Variants in SLC13A1 observed in about 807,000 individuals in gnomAD.
SLC13A1 encodes the protein solute carrier family 13 member 1, also known as Na(+)/sulfate cotransporter.
Under a neutral mutation model 70.0 loss-of-function variants are expected in SLC13A1, and 65 were observed. The observed-to-expected ratio is 0.93, with a 90% CI of 0.76 to 1.14. The LOEUF (loss-of-function observed/expected upper bound fraction) is 1.14, where lower values mean the gene tolerates loss of function less well. Ranked by LOEUF, SLC13A1 falls within the 50% of genes most tolerant of loss-of-function variation. SLC13A1 has a pLI of 0.00. For missense variants in SLC13A1, 726 were observed against 717.8 expected (o/e 1.01, Z -0.13); for synonymous variants, 275 against 250.5 (o/e 1.10, Z -0.92).
At chr7:123,159,200 A>G (rs1794807110) in intron 6 of SLC13A1, among the ~76,000 whole-genome samples, 2 of 152,186 alleles carry the variant, frequency 1.3e-5, no homozygotes, top group African/African-American at 2.4e-5. Context: ...AAATGTTTAT[A>G]TATTAAGTAG....
intron 1 of SLC13A1, among the ~76,000 whole-genome samples, chr7:123,188,447 T>C (rs1795888087): frequency 6.6e-6 from 1 of 152,198 alleles, no homozygotes; most frequent in Non-Finnish European, 1.5e-5. Flanking sequence ...CCTTGGTATA[T>C]GGGATTAATT....
intron 7 of SLC13A1, among the ~76,000 whole-genome samples, chr7:123,137,755 T>C (rs1794000959): frequency 6.6e-6 from 1 of 152,098 alleles, no homozygotes; most frequent in Non-Finnish European, 1.5e-5. Context: ...TGGAGTCTTT[T>C]TAAAAAAAAT....
chr7:123,123,232 G>A lies in SLC13A1; in HGVS notation c.1244C>T (p.Ala415Val), dbSNP rs144402909. 79 of 1,605,846 alleles carry A rather than the reference G, an allele frequency of 4.9e-5. No individual in the cohort carries two copies. The African/African-American group carries it at 8.3e-4, about 17-fold the overall frequency. Reference sequence around the variant, plus strand: ...AGTAATCAGTGGAGAGTAATCAAAAGCAACTGCAAAACAAAAATCCTACAG... The same window carrying A: ...AGTAATCAGTGGAGAGTAATCAAAAACAACTGCAAAACAAAAATCCTACAG... ...TKTTPTGEIVAFDYSPLITWK... is the reference protein window; with the variant it reads ...TKTTPTGEIVVFDYSPLITWK... The change falls in exon 12 of 15, where the codon GCT (alanine) becomes GTT (valine). Residue 415 changes from alanine to valine, a missense_variant. Physicochemically the swap from Ala to Val is moderately conservative, Grantham distance 64. Coordinates refer to ENST00000194130, the MANE Select transcript of SLC13A1 (RefSeq NM_022444.4).
At chr7:123,148,640 G>C (rs1176375768) in intron 6 of SLC13A1, 1 of 326,732 alleles carries the variant, frequency 3.1e-6, no homozygotes, top group African/African-American at 2.2e-5. Flanking sequence ...TGGTTTTTCA[G>C]TTATGTTTAG....
chr7:123,144,765 G>A (rs1794293708), intron 7 of SLC13A1, among the ~76,000 whole-genome samples: 1 of 152,134 alleles, frequency 6.6e-6, no homozygotes, highest in African/African-American at 2.4e-5. Flanking sequence ...CTTAGGAAGA[G>A]TCATTGTCAC....
intron 1 of SLC13A1, among the ~76,000 whole-genome samples, chr7:123,189,743 A>C (rs1478135623): frequency 6.6e-6 from 1 of 152,026 alleles, no homozygotes; most frequent in Non-Finnish European, 1.5e-5. Context: ...AGATGTTTTC[A>C]TTATTATTGA....
chr7:123,124,183 G>A (rs1452343784), intron 11 of SLC13A1, among the ~76,000 whole-genome samples: 1 of 152,134 alleles, frequency 6.6e-6, no homozygotes, highest in African/African-American at 2.4e-5. Context: ...TGAGGGGAGA[G>A]AGAAAGGTGG....
chr7:123,157,042 TG>T (rs1475786028), intron 6 of SLC13A1, among the ~76,000 whole-genome samples: 5 of 152,100 alleles, frequency 3.3e-5, no homozygotes, highest in Non-Finnish European at 7.4e-5. Flanking sequence ...TGACCTCAGA[TG>T]GGCCTCAGTA....
Position 123,168,519 on chromosome 7 carries a change from G to C in SLC13A1, c.596C>G (p.Thr199Arg). ...GHEINERKEK[T>R]KPVPGYNNDT... is the part of the protein sequence containing the mutation. ...TATTCCTTACCCTGGAACTGGTTTT[G>C]TTTTCTCTTTCCTCTCATTTATTTC... is the stretch of plus-strand genomic sequence containing the variant. The change falls in exon 5 of 15, where the codon ACA (threonine) becomes AGA (arginine). Residue 199 changes from threonine to arginine, a missense_variant. Thr to Arg is a moderately conservative substitution (Grantham distance 71). Coordinates refer to ENST00000194130, the MANE Select transcript of SLC13A1 (RefSeq NM_022444.4). The C allele has an allele frequency of 3.1e-6, 5 of 1,610,652 alleles. No homozygotes were observed. The highest frequency in any genetic ancestry group is 3.4e-6 in the Non-Finnish European group (4 of 1,177,868).
At chr7:123,190,843 C>G (rs1400994347) in intron 1 of SLC13A1, among the ~76,000 whole-genome samples, 1 of 152,070 alleles carries the variant, frequency 6.6e-6, no homozygotes, top group African/African-American at 2.4e-5. Flanking sequence ...TTTTTAATCT[C>G]AGTGACAAAA....
intron 6 of SLC13A1, among the ~76,000 whole-genome samples, chr7:123,155,942 T>C (rs528819913): frequency 6.6e-6 from 1 of 152,242 alleles, no homozygotes; most frequent in South Asian, 2.1e-4. Context: ...CTGGTTCTCC[T>C]TATCCCGTTT....
chr7:123,134,365 C>A (rs1296612291), intron 8 of SLC13A1, 45 bp downstream of exon 8: 1 of 1,585,144 alleles, frequency 6.3e-7, no homozygotes, highest in Non-Finnish European at 8.6e-7. Flanking sequence ...GAACTGGGAA[C>A]CTAGACACCT....
chr7:123,142,467 C>T, intron 7 of SLC13A1, among the ~76,000 whole-genome samples: 1 of 152,016 alleles, frequency 6.6e-6, no homozygotes, highest in Non-Finnish European at 1.5e-5. Context: ...AAGTGCAAGC[C>T]AAAGTCCTCT....
chr7:123,164,492 T>C (rs1438115672), intron 6 of SLC13A1, among the ~76,000 whole-genome samples: 3 of 151,948 alleles, frequency 2.0e-5, no homozygotes, highest in African/African-American at 4.8e-5. Flanking sequence ...ATGAATCAAA[T>C]TGTAATAATT....
chr7:123,186,592 A>C, intron 1 of SLC13A1: 1 of 336,070 alleles, frequency 3.0e-6, no homozygotes, highest in Non-Finnish European at 6.1e-6. Flanking sequence ...ACACACAATC[A>C]CTACTACTAC....
chr7:123,183,769 T>C lies in SLC13A1; in HGVS notation c.100-2668A>G, dbSNP rs553799872. Reference sequence around the variant, plus strand: ...TGAGAAGCACTGGGCTACATCCTTTTCCAGACCTTCCCTTTCATCTTTAAA... The same window carrying C: ...TGAGAAGCACTGGGCTACATCCTTTCCCAGACCTTCCCTTTCATCTTTAAA... On this transcript the variant is annotated intron_variant, in intron 1 of 14. Coordinates refer to ENST00000194130, the MANE Select transcript of SLC13A1 (RefSeq NM_022444.4). 8.9e-4 allele frequency among the ~76,000 whole-genome samples: 136 copies of C among 152,274 alleles called. 1 individual carries two copies. The highest frequency in any genetic ancestry group is 1.6e-4 in the Non-Finnish European group (11 of 68,022).
intron 7 of SLC13A1, among the ~76,000 whole-genome samples, chr7:123,137,372 G>C (rs73217762): frequency 6.6e-6 from 1 of 152,158 alleles, no homozygotes; most frequent in Non-Finnish European, 1.5e-5. Context: ...ATTTTACTTA[G>C]GTAATCAAAG....
chr7:123,171,957 T>C lies in SLC13A1; in HGVS notation c.229-53A>G, dbSNP rs1371831640. The C allele has an allele frequency of 7.1e-6, 11 of 1,550,884 alleles. No individual in the cohort carries two copies. The East Asian group carries it at 1.8e-4, about 26-fold the overall frequency. ...TTTACTTTGGTGGGGAAAAATAACA[T>C]TGCACAAGAAAGACATTATTATGCT... On this transcript the variant is annotated intron_variant, in intron 2 of 14. Transcript: ENST00000194130.
rs549685528 is a variant in SLC13A1, at chr7:123,184,906, T to C, written c.100-3805A>G. Among the ~76,000 whole-genome samples, 19 of 152,138 alleles carry C rather than the reference T, an allele frequency of 1.2e-4. No homozygotes were observed. The East Asian group carries it at 3.7e-3, about 29-fold the overall frequency. The stretch of plus-strand genomic sequence containing the variant: ...TTTTGAGGGAATGCTGTGTTATTTT[T>C]CATAATGGCTGTACTAAGTTACATT... On this transcript the variant is annotated intron_variant, in intron 1 of 14. Coordinates refer to ENST00000194130, the MANE Select transcript of SLC13A1 (RefSeq NM_022444.4).
Sources: allele counts gnomAD v4.1 joint callset (sites outside exome capture counted in the v4.1 genomes callset), GRCh38; gene constraint gnomAD v4.1.1; transcripts MANE v1.5; gene names NCBI Gene and HGNC (gene_info 2026-07-23, HGNC 2026-07-21).